The following KALRN variants were observed in gnomAD, a reference collection of about 807,000 sequenced individuals.
KALRN encodes kalirin.
In KALRN, 70 loss-of-function variants were observed where a neutral mutation model predicts 353.7. The ratio of observed to expected loss-of-function variants is 0.20; its 90% CI spans 0.16 to 0.24. The LOEUF (loss-of-function observed/expected upper bound fraction) is 0.24, where lower values mean the gene tolerates loss of function less well. KALRN is among the 10% of genes least tolerant of loss of function. The pLI is 1.00. For missense variants in KALRN, 2,791 were observed against 3,756.7 expected, an observed-to-expected ratio of 0.74 and a Z score of 6.72; for synonymous variants, 1,391 against 1,434.8, an observed-to-expected ratio of 0.97 and a Z score of 0.69.
rs1451444263 is a variant in KALRN, at chr3:124,725,370, T to C, written c.*5900T>C. The C allele has an allele frequency of 6.6e-6, 1 of 152,192 alleles. No homozygotes were observed. The highest frequency in any genetic ancestry group is 1.5e-5 in the Non-Finnish European group (1 of 68,032). The allele number at this position is 152,192 out of a possible 1,614,324, so 9.4% of individuals were successfully genotyped here. On this transcript the variant is annotated 3_prime_UTR_variant, in exon 60 of 60. Coordinates refer to ENST00000682506, the MANE Select transcript of KALRN (RefSeq NM_001388419.1). The stretch of plus-strand genomic sequence containing the variant: ...GAGTAAAACTAGTAGTTAGAACAAA[T>C]ATGAAGACTGAAAAAAACTAAACAT...
intron 2 of KALRN, among the ~76,000 whole-genome samples, chr3:124,233,692 C>T (rs889433784): frequency 6.6e-6 from 1 of 152,106 alleles, no homozygotes; most frequent in East Asian, 1.9e-4. Context: ...CACACTTGGG[C>T]GGGATCCCTG....
At chr3:124,589,891 G>T (rs928908214) in intron 34 of KALRN, among the ~76,000 whole-genome samples, 2 of 152,170 alleles carry the variant, frequency 1.3e-5, no homozygotes, top group Non-Finnish European at 2.9e-5. Flanking sequence ...AGTATTTTTT[G>T]TCAGAGTTTG....
intron 12 of KALRN, among the ~76,000 whole-genome samples, chr3:124,397,665 C>T (rs1215836386): frequency 6.6e-6 from 1 of 152,200 alleles, no homozygotes. Context: ...CCTCATTTTG[C>T]TAAGCAAATC....
At chr3:124,283,965 C>A (rs2075593856) in intron 5 of KALRN, among the ~76,000 whole-genome samples, 1 of 152,222 alleles carries the variant, frequency 6.6e-6, no homozygotes, top group Non-Finnish European at 1.5e-5. Context: ...TGCTATGTAT[C>A]ATATGCTATA....
chr3:124,265,937 G>GA (rs1234825989), intron 4 of KALRN, among the ~76,000 whole-genome samples: 2 of 152,104 alleles, frequency 1.3e-5, no homozygotes, highest in African/African-American at 4.8e-5. Flanking sequence ...CCAACATGGT[G>GA]AAACCCTGTC....
In KALRN at chr3:124,723,411, G is replaced by A. The variant is rs561913335; in HGVS notation, c.*3941G>A. On this transcript the variant is annotated 3_prime_UTR_variant, in exon 60 of 60. Transcript: ENST00000682506. ...CCCATTGGTAAAATGGGAGTTGGGG[G>A]ATGGGGAAGGAGGGAGGACATTAAT... 4 of 152,292 alleles carry A rather than the reference G, an allele frequency of 2.6e-5. No individual in the cohort carries two copies. In the South Asian group the frequency reaches 6.2e-4, roughly 24 times the overall value. 9.4% of individuals were successfully genotyped at this position (152,292 alleles called of 1,614,324 possible).
At chr3:124,338,059 C>A (rs556816709) in intron 9 of KALRN, among the ~76,000 whole-genome samples, 4 of 152,118 alleles carry the variant, frequency 2.6e-5, no homozygotes, top group African/African-American at 9.6e-5. Context: ...AGTGATCTAT[C>A]TATTTTGTTA....
intron 1 of KALRN, among the ~76,000 whole-genome samples, chr3:124,117,321 T>G (rs1384239956): frequency 4.2e-5 from 5 of 117,866 alleles, no homozygotes; most frequent in African/African-American, 1.1e-4. Flanking sequence ...AAAAACAGTG[T>G]TTTTTTTTTT....
chr3:124,711,784 T>A (rs1328995502), intron 57 of KALRN, among the ~76,000 whole-genome samples: 1 of 152,204 alleles, frequency 6.6e-6, no homozygotes, highest in Non-Finnish European at 1.5e-5. Flanking sequence ...CTTAAAATAT[T>A]CCAGGGTGGA....
rs562444968 is a variant in KALRN at position 124,232,525 on chromosome 3, TG to T, written c.149-2301del. ...GGGGGCAGCCCCATCTGCTGTGGGC[TG>T]GGCCCCCGCCTTATGCCTTCCCTGA... On this transcript the variant is annotated intron_variant, in intron 2 of 59. Transcript: ENST00000682506. Among the ~76,000 whole-genome samples, 311 of 152,288 alleles carry T rather than the reference TG, an allele frequency of 2.0e-3. 2 individuals are homozygous for T. Among genetic ancestry groups the T allele is most frequent in the African/African-American group, 7.3e-3 (304 of 41,568 alleles).
intron 5 of KALRN, among the ~76,000 whole-genome samples, chr3:124,284,712 A>G (rs563997116): frequency 1.7e-4 from 26 of 152,234 alleles, no homozygotes; most frequent in Non-Finnish European, 3.5e-4. Context: ...CAATCACACT[A>G]AACATCATGA....
chr3:124,330,269 C>T (rs2080396321), intron 8 of KALRN, among the ~76,000 whole-genome samples: 1 of 151,660 alleles, frequency 6.6e-6, no homozygotes, highest in East Asian at 1.9e-4. Context: ...CACACACACA[C>T]ACACACACAC....
intron 1 of KALRN, among the ~76,000 whole-genome samples, chr3:124,144,903 A>T (rs1457910749): frequency 1.3e-5 from 2 of 152,188 alleles, no homozygotes; most frequent in Non-Finnish European, 2.9e-5. Flanking sequence ...GAAATAGATG[A>T]GATAGAGTGT....
intron 34 of KALRN, among the ~76,000 whole-genome samples, chr3:124,605,572 A>G (rs2077249205): frequency 2.7e-5 from 1 of 36,620 alleles, no homozygotes; most frequent in Non-Finnish European, 6.2e-5. Context: ...GACTCCATCT[A>G]AAAAAAAAAA....
At chr3:124,373,418 A>G (rs1286812098) in intron 10 of KALRN, among the ~76,000 whole-genome samples, 1 of 152,216 alleles carries the variant, frequency 6.6e-6, no homozygotes, top group Non-Finnish European at 1.5e-5. Context: ...AGTGCACAGG[A>G]CAGCCCGTGT....
At chr3:124,679,716 A>T in intron 51 of KALRN, 199 bp downstream of exon 51, 1 of 653,086 alleles carries the variant, frequency 1.5e-6, no homozygotes, top group South Asian at 1.7e-5. Context: ...CTCTACCTAG[A>T]TTTTTTTAAA....
chr3:124,426,060 G>C (rs1263179328), intron 15 of KALRN, among the ~76,000 whole-genome samples: 1 of 152,172 alleles, frequency 6.6e-6, no homozygotes, highest in Admixed American at 6.5e-5. Context: ...CAAGCCCTTT[G>C]CAAAAGGGCA....
intron 17 of KALRN, among the ~76,000 whole-genome samples, chr3:124,437,744 A>G (rs1289964988): frequency 6.7e-6 from 1 of 149,834 alleles, no homozygotes; most frequent in East Asian, 2.0e-4. Context: ...ACTTTCTCAG[A>G]GAAGGCCAAA....
rs2060536546 is a variant in KALRN, at chr3:124,081,446, G to C, written c.73+47633G>C. Reference sequence around the variant, plus strand: ...TGGGTTATATTTCTAATGTTATTCAGGCTAATTTGTCCCACCCTATCAAAA... The same window carrying C: ...TGGGTTATATTTCTAATGTTATTCACGCTAATTTGTCCCACCCTATCAAAA... On this transcript the variant is annotated intron_variant, in intron 1 of 59. Coordinates refer to ENST00000682506, the MANE Select transcript of KALRN (RefSeq NM_001388419.1). 2.0e-5 allele frequency among the ~76,000 whole-genome samples: 3 copies of C among 152,124 alleles called. No individual in the cohort carries two copies. In the South Asian group the frequency reaches 6.2e-4, roughly 32 times the overall value.
Sources: gnomAD v4.1 joint callset for allele counts (sites outside exome capture counted in the v4.1 genomes callset) on GRCh38, gnomAD v4.1.1 for gene constraint, MANE v1.5 for transcripts, NCBI Gene and HGNC (gene_info 2026-07-23, HGNC 2026-07-21) for gene names.